TSHR: variants seen among roughly 807,000 people sequenced by gnomAD.
The protein encoded by TSHR is thyroid stimulating hormone receptor.
Under a neutral mutation model 64.1 loss-of-function variants are expected in TSHR, and 51 were observed. The observed-to-expected ratio is 0.80, with a 90% CI of 0.64 to 1.01. TSHR has a LOEUF of 1.01. TSHR is among the 50% of genes least tolerant of loss of function. The probability of loss-of-function intolerance (pLI) is 0.00; values close to 1 mark genes in which losing one functional copy is unlikely to be tolerated. For synonymous variants in TSHR, 361 were observed against 361.9 expected, an observed-to-expected ratio of 1.00 and a Z score of 0.03; for missense variants, 877 against 942.8, an observed-to-expected ratio of 0.93 and a Z score of 0.91.
rs577850840 is a variant in TSHR at position 81,036,236 on chromosome 14, G to T, written c.171-25912G>T. ...AGATATGTACATCCAGCTCCATGAA[G>T]CACAAAGGATCCCAAACAGATTCAA... On this transcript the variant is annotated intron_variant, in intron 1 of 9. Coordinates refer to ENST00000298171, the MANE Select transcript of TSHR (RefSeq NM_000369.5). 7.6e-4 allele frequency among the ~76,000 whole-genome samples: 116 copies of T among 152,274 alleles called. 1 individual carries two copies. In the Middle Eastern group the frequency reaches 0.01, roughly 13 times the overall value.
chr14:81,019,824 G>A (rs1228566433), intron 1 of TSHR, among the ~76,000 whole-genome samples: 2 of 152,154 alleles, frequency 1.3e-5, no homozygotes, highest in Non-Finnish European at 2.9e-5. Context: ...ATTCTATAGT[G>A]TATGTGCGCC....
At chr14:81,010,213 G>A (rs192993856) in intron 1 of TSHR, among the ~76,000 whole-genome samples, 1 of 152,002 alleles carries the variant, frequency 6.6e-6, no homozygotes. Context: ...TATATCTTGG[G>A]TATTAATGCT....
intron 1 of TSHR, among the ~76,000 whole-genome samples, chr14:81,047,358 C>T (rs1490066632): frequency 6.6e-6 from 1 of 152,140 alleles, no homozygotes; most frequent in Non-Finnish European, 1.5e-5. Flanking sequence ...AAATGTTTGA[C>T]TATGGTATTC....
In TSHR at chr14:81,027,145, A is replaced by C. The variant is rs758375164; in HGVS notation, c.171-35003A>C. 1.1e-3 allele frequency among the ~76,000 whole-genome samples: 164 copies of C among 152,160 alleles called. 3 individuals are homozygous for C. Among genetic ancestry groups the C allele is most frequent in the Non-Finnish European group, 2.5e-4 (17 of 68,038 alleles). On this transcript the variant is annotated intron_variant, in intron 1 of 9. Coordinates refer to ENST00000298171, the MANE Select transcript of TSHR (RefSeq NM_000369.5). ...TTGAGAAAGTGGAGCAAAATGAAAT[A>C]GAAAAGAAAAAAGACTAGAGTAGGA...
At chr14:80,968,844 C>T (rs1490851684) in intron 1 of TSHR, among the ~76,000 whole-genome samples, 1 of 152,130 alleles carries the variant, frequency 6.6e-6, no homozygotes, top group Admixed American at 6.5e-5. Flanking sequence ...TAGAGAAACT[C>T]CTTTATTTAC....
chr14:81,102,886 T>G, intron 7 of TSHR: 1 of 985,342 alleles, frequency 1.0e-6, no homozygotes, highest in Non-Finnish European at 1.2e-6. Flanking sequence ...ATTAAAATAT[T>G]TGGCGTTAGA....
intron 1 of TSHR, among the ~76,000 whole-genome samples, chr14:80,983,823 T>A (rs895369155): frequency 6.6e-6 from 1 of 152,252 alleles, no homozygotes; most frequent in Non-Finnish European, 1.5e-5. Flanking sequence ...CAGATGAATA[T>A]CATATCACTG....
At chr14:81,028,619 T>C (rs1884195026) in intron 1 of TSHR, among the ~76,000 whole-genome samples, 1 of 152,052 alleles carries the variant, frequency 6.6e-6, no homozygotes, top group Non-Finnish European at 1.5e-5. Context: ...AGATTGCTAG[T>C]TCCCCTAACC....
chr14:81,094,336 T>C (rs2139990946), intron 6 of TSHR: 1 of 152,314 alleles, frequency 6.6e-6, no homozygotes, highest in East Asian at 1.9e-4. Context: ...TGAAATGCAA[T>C]TCAAACAAGT....
At chr14:80,987,782 T>C (rs1272759638) in intron 1 of TSHR, among the ~76,000 whole-genome samples, 1 of 152,218 alleles carries the variant, frequency 6.6e-6, no homozygotes, top group Non-Finnish European at 1.5e-5. Flanking sequence ...CCTTTCAGAC[T>C]GACTTCTGCT....
At chr14:80,988,566 T>A (rs917030796) in intron 1 of TSHR, among the ~76,000 whole-genome samples, 2 of 152,134 alleles carry the variant, frequency 1.3e-5, no homozygotes, top group African/African-American at 4.8e-5. Context: ...CCAAACCATA[T>A]CACTTCCCCT....
At chr14:81,009,449 T>TA in intron 1 of TSHR, among the ~76,000 whole-genome samples, 1 of 152,174 alleles carries the variant, frequency 6.6e-6, no homozygotes, top group Non-Finnish European at 1.5e-5. Context: ...ATTGTGTTTT[T>TA]AAAAAATAAA....
chr14:80,958,886 T>C (rs552715313), intron 1 of TSHR, among the ~76,000 whole-genome samples: 2 of 152,304 alleles, frequency 1.3e-5, no homozygotes, highest in South Asian at 2.1e-4. Flanking sequence ...TGGTTTAAAA[T>C]GTAAGGTATT....
chr14:81,064,910 CCTT>C (rs1886499944), intron 2 of TSHR, among the ~76,000 whole-genome samples: 1 of 152,044 alleles, frequency 6.6e-6, no homozygotes, highest in African/African-American at 2.4e-5. Flanking sequence ...GAGGGATTGG[CCTT>C]CTAGAGGAAG....
At chr14:81,063,018 G>A (rs1886351819) in intron 2 of TSHR, among the ~76,000 whole-genome samples, 1 of 152,092 alleles carries the variant, frequency 6.6e-6, no homozygotes, top group Non-Finnish European at 1.5e-5. Flanking sequence ...GGCTGCTACT[G>A]GCACCTAGTG....
At chr14:81,053,752 T>A (rs550836930) in intron 1 of TSHR, 2 of 152,334 alleles carry the variant, frequency 1.3e-5, no homozygotes, top group East Asian at 3.9e-4. Flanking sequence ...ATAAAATGAT[T>A]TGTACATGGA....
In TSHR at chr14:80,974,773, T is replaced by C. The variant is rs115617095; in HGVS notation, c.170+18923T>C. Among the ~76,000 whole-genome samples, 1,057 of 152,326 alleles carry C rather than the reference T, an allele frequency of 6.9e-3. 18 individuals are homozygous for C. Among genetic ancestry groups the C allele is most frequent in the African/African-American group, 0.024 (986 of 41,576 alleles). On this transcript the variant is annotated intron_variant, in intron 1 of 9. Transcript: ENST00000298171. ...GGTGGCTTGGAGGGATTGTGCTTTC[T>C]TTTTGTATTGTATCCAATATGTTCA...
At position 81,143,104 on chromosome 14, in the gene TSHR, A is replaced by G. The variant is rs960876886; in HGVS notation, c.1046A>G (p.Asn349Ser). ...EKSKFQDTHN[N>S]AHYYVFFEEQ... is the part of the protein sequence containing the mutation. ...TCCAAGTTCCAGGATACTCATAACA[A>G]CGCTCATTATTACGTCTTCTTTGAA... The change falls in exon 10 of 10, where the codon AAC (asparagine) becomes AGC (serine). Residue 349 changes from asparagine to serine, a missense_variant. By Grantham distance (46) the Asn-to-Ser change is conservative. Coordinates refer to ENST00000298171, the MANE Select transcript of TSHR (RefSeq NM_000369.5). The G allele has an allele frequency of 6.2e-7, 1 of 1,614,158 alleles. No individual in the cohort carries two copies. The highest frequency in any genetic ancestry group is 1.3e-5 in the African/African-American group (1 of 75,032).
chr14:81,139,979 T>C (rs1175165936), intron 9 of TSHR, 112 bp downstream of exon 9: 19 of 1,379,780 alleles, frequency 1.4e-5, no homozygotes, highest in Non-Finnish European at 1.9e-5. Flanking sequence ...GAGAGGAAAT[T>C]GGAAGCATCC....
Sources: allele counts gnomAD v4.1 joint callset (sites outside exome capture counted in the v4.1 genomes callset), GRCh38; gene constraint gnomAD v4.1.1; transcripts MANE v1.5; gene names NCBI Gene and HGNC (gene_info 2026-07-23, HGNC 2026-07-21).